The following GPC6 variants were observed in gnomAD, a reference collection of about 807,000 sequenced individuals.
The protein encoded by GPC6 is glypican-6.
GPC6 carries 14 observed loss-of-function variants against 55.2 expected under a neutral mutation model. The observed-to-expected ratio is 0.25, with a 90% CI of 0.17 to 0.40. GPC6 has a LOEUF of 0.40. GPC6 is among the 10% of genes least tolerant of loss of function. GPC6 has a pLI of 1.00. For missense variants in GPC6, 641 were observed against 708.5 expected (o/e 0.90, Z 1.08); for synonymous variants, 278 against 259.6 (o/e 1.07, Z -0.68).
chr13:93,710,012 A>G (rs1161926117), intron 2 of GPC6, among the ~76,000 whole-genome samples: 1 of 151,824 alleles, frequency 6.6e-6, no homozygotes, highest in Non-Finnish European at 1.5e-5. Context: ...TACATAGCTT[A>G]CTTCCCCTTG....
At chr13:93,912,481 C>T (rs9561468) in intron 3 of GPC6, among the ~76,000 whole-genome samples, 2 of 152,264 alleles carry the variant, frequency 1.3e-5, no homozygotes, top group Non-Finnish European at 2.9e-5. Flanking sequence ...CAGTGGCTCA[C>T]GCCTGTAATC....
At chr13:93,712,960 A>T (rs1204064114) in intron 2 of GPC6, among the ~76,000 whole-genome samples, 1 of 151,606 alleles carries the variant, frequency 6.6e-6, no homozygotes, top group Non-Finnish European at 1.5e-5. Context: ...CAACATACAG[A>T]ATGTATTTTC....
At chr13:93,883,113 G>T (rs2140311461) in intron 3 of GPC6, among the ~76,000 whole-genome samples, 1 of 150,012 alleles carries the variant, frequency 6.7e-6, no homozygotes, top group South Asian at 2.1e-4. Context: ...CTGTCTTTCT[G>T]GTCCTCTCTG....
intron 2 of GPC6, among the ~76,000 whole-genome samples, chr13:93,802,838 C>A (rs890727475): frequency 1.3e-5 from 2 of 152,052 alleles, no homozygotes; most frequent in Non-Finnish European, 2.9e-5. Context: ...GAAATAATTC[C>A]TAGGATAATA....
intron 4 of GPC6, among the ~76,000 whole-genome samples, chr13:94,208,298 G>A (rs1320556426): frequency 1.3e-5 from 2 of 152,202 alleles, no homozygotes; most frequent in African/African-American, 4.8e-5. Flanking sequence ...CATGTCTGAA[G>A]TGGGCGTAAG....
intron 3 of GPC6, among the ~76,000 whole-genome samples, chr13:93,985,781 G>A (rs1396036987): frequency 6.6e-6 from 1 of 150,606 alleles, no homozygotes; most frequent in Non-Finnish European, 1.5e-5. Flanking sequence ...CTTTCTGCTT[G>A]TATTGAATCT....
chr13:93,715,264 G>A (rs1457338498), intron 2 of GPC6, among the ~76,000 whole-genome samples: 1 of 151,684 alleles, frequency 6.6e-6, no homozygotes, highest in African/African-American at 2.4e-5. Flanking sequence ...TATTCACCGT[G>A]GAATACTACA....
intron 2 of GPC6, among the ~76,000 whole-genome samples, chr13:93,646,353 G>A (rs1266500235): frequency 1.3e-5 from 2 of 151,980 alleles, no homozygotes; most frequent in Admixed American, 6.6e-5. Flanking sequence ...TTTCCATATT[G>A]GAAAAGTGAA....
At chr13:93,730,516 TG>T (rs1444083350) in intron 2 of GPC6, among the ~76,000 whole-genome samples, 1 of 152,168 alleles carries the variant, frequency 6.6e-6, no homozygotes, top group African/African-American at 2.4e-5. Flanking sequence ...GTCACTGGCA[TG>T]GCCCTCCCCC....
intron 1 of GPC6, among the ~76,000 whole-genome samples, chr13:93,356,774 T>C (rs1354838768): frequency 6.6e-6 from 1 of 152,222 alleles, no homozygotes; most frequent in East Asian, 1.9e-4. Flanking sequence ...AATTGGATGG[T>C]ATTTGCAGGA....
chr13:94,351,263 C>CA (rs1437505137), intron 6 of GPC6, among the ~76,000 whole-genome samples: 4 of 151,598 alleles, frequency 2.6e-5, no homozygotes, highest in African/African-American at 9.7e-5. Flanking sequence ...CCCAAGCTTA[C>CA]AAAAAACACC....
At position 94,372,259 on chromosome 13, in the gene GPC6, T is replaced by C. The variant is rs566182071; in HGVS notation, c.1153-10155T>C. Among the ~76,000 whole-genome samples the C allele has an allele frequency of 5.5e-4, 84 of 151,732 alleles. No individual in the cohort carries two copies. In the East Asian group the frequency reaches 0.014, roughly 26 times the overall value. ...TCCAGTCTACAGCTCCCAGCGTGAG[T>C]GACGCAGAAGACGGGTGATTTCTGC... On this transcript the variant is annotated intron_variant, in intron 6 of 8. Coordinates refer to ENST00000377047, the MANE Select transcript of GPC6 (RefSeq NM_005708.5).
intron 6 of GPC6, among the ~76,000 whole-genome samples, chr13:94,314,166 A>C (rs1876402039): frequency 6.6e-6 from 1 of 152,206 alleles, no homozygotes; most frequent in Non-Finnish European, 1.5e-5. Context: ...TCTTCTCCAG[A>C]GAACAGTACA....
intron 2 of GPC6, among the ~76,000 whole-genome samples, chr13:93,728,150 A>G (rs917869878): frequency 2.0e-5 from 3 of 151,888 alleles, no homozygotes; most frequent in African/African-American, 7.3e-5. Context: ...CTGTTCATCC[A>G]TTTTTGCAGA....
At chr13:94,300,808 T>C (rs553922828) in intron 5 of GPC6, among the ~76,000 whole-genome samples, 81 of 152,348 alleles carry the variant, frequency 5.3e-4, no homozygotes, top group African/African-American at 1.9e-3. Context: ...CCACAATAAG[T>C]TGGCTTATCC....
At chr13:93,604,272 T>C (rs1303921221) in intron 2 of GPC6, among the ~76,000 whole-genome samples, 1 of 152,206 alleles carries the variant, frequency 6.6e-6, no homozygotes, top group Non-Finnish European at 1.5e-5. Flanking sequence ...TTCACATTGT[T>C]ATATACGTGA....
chr13:93,536,111 A>C (rs922122840), intron 1 of GPC6, among the ~76,000 whole-genome samples: 1 of 152,184 alleles, frequency 6.6e-6, no homozygotes, highest in Non-Finnish European at 1.5e-5. Context: ...ATCCCAGATC[A>C]AGGAATTAGG....
chr13:93,409,504 T>A (rs1876417022), intron 1 of GPC6, among the ~76,000 whole-genome samples: 1 of 152,150 alleles, frequency 6.6e-6, no homozygotes, highest in African/African-American at 2.4e-5. Context: ...GGGAAGGTGT[T>A]GCCTCAACTA....
chr13:93,939,708 C>T (rs1878632242), intron 3 of GPC6, among the ~76,000 whole-genome samples: 1 of 152,020 alleles, frequency 6.6e-6, no homozygotes, highest in Non-Finnish European at 1.5e-5. Flanking sequence ...TTTCAGTCTC[C>T]CAAAGTGCTA....
Sources: gnomAD v4.1 joint callset for allele counts (sites outside exome capture counted in the v4.1 genomes callset) on GRCh38, gnomAD v4.1.1 for gene constraint, MANE v1.5 for transcripts, NCBI Gene and HGNC (gene_info 2026-07-23, HGNC 2026-07-21) for gene names.